The following LDLRAD4 variants were observed in gnomAD, a reference collection of about 807,000 sequenced individuals.
LDLRAD4 encodes the protein low density lipoprotein receptor class A domain containing 4.
In LDLRAD4, 5 loss-of-function variants were observed where a neutral mutation model predicts 17.0. The ratio of observed to expected loss-of-function variants is 0.29; its 90% confidence interval spans 0.15 to 0.62. The LOEUF is 0.62. Among genes scored for constraint, LDLRAD4 ranks in the 20% least tolerant of loss-of-function variants. The pLI is 0.84. For missense variants in LDLRAD4, 340 were observed against 424.7 expected (o/e 0.80, Z 1.75); for synonymous variants, 168 against 171.8 (o/e 0.98, Z 0.17).
At chr18:13,635,346 T>C (rs2041986918) in intron 4 of LDLRAD4, among the ~76,000 whole-genome samples, 1 of 152,164 alleles carries the variant, frequency 6.6e-6, no homozygotes, top group Non-Finnish European at 1.5e-5. Context: ...TCATGAGGAC[T>C]CCACCCTCAT....
At chr18:13,218,813 C>A (rs537864245) in exon 1 of LDLRAD4, 1 of 152,460 alleles carries the variant, frequency 6.6e-6, no homozygotes, top group Admixed American at 6.5e-5. Flanking sequence ...CCGGAGGAAG[C>A]AGGCGTGTGT....
chr18:13,600,813 T>C (rs574846535), intron 3 of LDLRAD4, among the ~76,000 whole-genome samples: 2 of 152,354 alleles, frequency 1.3e-5, no homozygotes, highest in Admixed American at 1.3e-4. Flanking sequence ...TTACTTTTAT[T>C]TGTATAACCA....
chr18:13,490,856 A>T (rs1382685749), intron 3 of LDLRAD4, among the ~76,000 whole-genome samples: 1 of 152,184 alleles, frequency 6.6e-6, no homozygotes, highest in African/African-American at 2.4e-5. Flanking sequence ...TCCTTGGCTC[A>T]TTGGCATGGC....
intron 1 of LDLRAD4, among the ~76,000 whole-genome samples, chr18:13,271,965 G>A (rs1056878439): frequency 3.6e-5 from 5 of 140,782 alleles, no homozygotes; most frequent in Non-Finnish European, 6.0e-5. Flanking sequence ...GCACAATCTC[G>A]GCTCACTTCA....
intron 3 of LDLRAD4, among the ~76,000 whole-genome samples, chr18:13,511,016 A>T (rs1310941018): frequency 6.6e-6 from 1 of 152,214 alleles, no homozygotes. Flanking sequence ...TAATACATGT[A>T]AGTTAGGAAA....
chr18:13,577,091 A>C (rs115017523), intron 3 of LDLRAD4, among the ~76,000 whole-genome samples: 3,269 of 151,678 alleles, frequency 0.022, 120 homozygotes, highest in African/African-American at 0.074. Flanking sequence ...TTTTTTTTTA[A>C]GTATCCGAAT....
intron 1 of LDLRAD4, among the ~76,000 whole-genome samples, chr18:13,281,427 A>C (rs2045269961): frequency 6.6e-6 from 1 of 152,146 alleles, no homozygotes; most frequent in Non-Finnish European, 1.5e-5. Flanking sequence ...AAAAACAAAA[A>C]CAAAAAATAC....
intron 4 of LDLRAD4, among the ~76,000 whole-genome samples, chr18:13,623,229 C>T (rs546712641): frequency 1.3e-5 from 2 of 152,350 alleles, no homozygotes; most frequent in Admixed American, 1.3e-4. Flanking sequence ...ACCTGCAGAG[C>T]CTCCCTTCCC....
At chr18:13,338,228 A>G (rs2082204494) in intron 1 of LDLRAD4, among the ~76,000 whole-genome samples, 2 of 151,958 alleles carry the variant, frequency 1.3e-5, no homozygotes, top group African/African-American at 4.8e-5. Context: ...TTTCCTTTCT[A>G]TTCTCCCTTG....
intron 1 of LDLRAD4, among the ~76,000 whole-genome samples, chr18:13,271,003 C>CT (rs1221580849): frequency 6.6e-6 from 1 of 152,092 alleles, no homozygotes; most frequent in Non-Finnish European, 1.5e-5. Context: ...ACAGTGACTA[C>CT]TACTATGGGG....
At chr18:13,365,055 G>A (rs1248309118) in intron 1 of LDLRAD4, among the ~76,000 whole-genome samples, 2 of 152,224 alleles carry the variant, frequency 1.3e-5, no homozygotes, top group African/African-American at 2.4e-5. Context: ...TGCTCAGGCC[G>A]TGATGCAGAC....
chr18:13,507,535 C>A (rs531929191), intron 3 of LDLRAD4, among the ~76,000 whole-genome samples: 1 of 152,318 alleles, frequency 6.6e-6, no homozygotes, highest in East Asian at 1.9e-4. Flanking sequence ...GTGTGTATAT[C>A]TACCACATTT....
At chr18:13,318,873 A>G (rs1357759318) in intron 1 of LDLRAD4, among the ~76,000 whole-genome samples, 1 of 151,962 alleles carries the variant, frequency 6.6e-6, no homozygotes, top group Non-Finnish European at 1.5e-5. Flanking sequence ...CTTACTTTAC[A>G]CTGAGTCATG....
At chr18:13,301,721 A>T (rs1441982070) in intron 1 of LDLRAD4, among the ~76,000 whole-genome samples, 1 of 152,088 alleles carries the variant, frequency 6.6e-6, no homozygotes, top group Admixed American at 6.5e-5. Context: ...GAATTTTGTG[A>T]CCCTCACTAG....
chr18:13,219,720 C>T (rs2041348147), intron 1 of LDLRAD4, among the ~76,000 whole-genome samples: 1 of 152,186 alleles, frequency 6.6e-6, no homozygotes, highest in Non-Finnish European at 1.5e-5. Context: ...GGGAAGCTTC[C>T]TTTTAAAAAC....
intron 3 of LDLRAD4, among the ~76,000 whole-genome samples, chr18:13,550,723 G>A (rs2094423852): frequency 6.6e-6 from 1 of 152,222 alleles, no homozygotes; most frequent in Admixed American, 6.5e-5. Flanking sequence ...CTGGCTGACA[G>A]CCCTCCGGCC....
chr18:13,563,129 TC>T (rs1339580551), intron 3 of LDLRAD4: 1 of 152,260 alleles, frequency 6.6e-6, no homozygotes, highest in Non-Finnish European at 1.5e-5. Flanking sequence ...CTATTTCTTG[TC>T]ACTCTATATT....
intron 1 of LDLRAD4, among the ~76,000 whole-genome samples, chr18:13,346,161 G>A (rs1490097698): frequency 6.6e-6 from 1 of 152,032 alleles, no homozygotes; most frequent in Non-Finnish European, 1.5e-5. Flanking sequence ...AGTTCTTTCA[G>A]TTGTGATGTT....
intron 3 of LDLRAD4, among the ~76,000 whole-genome samples, chr18:13,477,232 TG>T (rs1291441741): frequency 1.3e-5 from 2 of 152,166 alleles, no homozygotes; most frequent in Non-Finnish European, 2.9e-5. Context: ...TTCTGCTCCT[TG>T]GCCTAAAAAA....
Sources: gnomAD v4.1 joint callset for allele counts (sites outside exome capture counted in the v4.1 genomes callset) on GRCh38, gnomAD v4.1.1 for gene constraint, MANE v1.5 for transcripts, NCBI Gene and HGNC (gene_info 2026-07-23, HGNC 2026-07-21) for gene names.